FSIP2: variants seen among roughly 807,000 people sequenced by gnomAD.
FSIP2 encodes the protein fibrous sheath interacting protein 2.
In FSIP2, 367 loss-of-function variants were observed where a neutral mutation model predicts 510.5. That is an observed-to-expected ratio of 0.72 (90% confidence interval 0.66 to 0.78). The LOEUF is 0.78. FSIP2 is among the 30% of genes least tolerant of loss of function. The pLI, the probability that FSIP2 is intolerant of heterozygous loss-of-function variation, is 0.00. For synonymous variants in FSIP2, 2,601 were observed against 2,732.2 expected (o/e 0.95, Z 1.50); for missense variants, 7,594 against 7,901.7 (o/e 0.96, Z 1.48).
Position 185,806,302 on chromosome 2 carries a change from A to G in FSIP2, c.16996A>G (p.Arg5666Gly). Residue 5666 changes from arginine (R) to glycine (G), a missense_variant, in exon 17 of 23, where the codon AGG (arginine) becomes GGG (glycine). By Grantham distance (125) the Arg-to-Gly change is moderately radical (BLOSUM62 -2). Coordinates refer to ENST00000424728, the MANE Select transcript of FSIP2 (RefSeq NM_173651.4). ...AAGAGACTCTCCAACACAAACGTGT[A>G]GGGATGAGGAACACCACTCAGATTA... ...GRRDSPTQTC[R>G]DEEHHSDYEH... 1 of 1,607,394 alleles carries G rather than the reference A, an allele frequency of 6.2e-7. No individual in the cohort carries two copies. Among genetic ancestry groups the G allele is most frequent in the Non-Finnish European group, 8.5e-7 (1 of 1,176,536 alleles).
chr2:185,753,190 A>C (rs1448401878), intron 7 of FSIP2, among the ~76,000 whole-genome samples: 1 of 151,310 alleles, frequency 6.6e-6, no homozygotes, highest in Non-Finnish European at 1.5e-5. Flanking sequence ...TCTTTACTGT[A>C]GTCTTGGGTA....
chr2:185,738,132 A>G (rs1033202754), upstream of FSIP2: 1 of 167,578 alleles, frequency 6.0e-6, no homozygotes, highest in African/African-American at 2.4e-5. Context: ...CTCTGCCCTC[A>G]GAATACTCCC....
At chr2:185,762,650 C>T (rs1692380035) in intron 11 of FSIP2, among the ~76,000 whole-genome samples, 1 of 151,312 alleles carries the variant, frequency 6.6e-6, no homozygotes, top group Non-Finnish European at 1.5e-5. Context: ...TTCACATTTT[C>T]TGCCTATTCT....
Position 185,800,363 on chromosome 2 carries a change from A to C in FSIP2, c.11057A>C (p.Asn3686Thr). The C allele has an allele frequency of 6.5e-7, 1 of 1,527,380 alleles. No homozygotes were observed. The highest frequency in any genetic ancestry group is 8.7e-7 in the Non-Finnish European group (1 of 1,143,816). The allele number at this position is 1,527,380 out of a possible 1,614,324, so 94.6% of individuals were successfully genotyped here. The change falls in exon 17 of 23, where the codon AAC becomes ACC. Residue 3686 changes from asparagine to threonine, a missense_variant. Physicochemically the swap from Asn to Thr is moderately conservative, Grantham distance 65. Coordinates refer to ENST00000424728, the MANE Select transcript of FSIP2 (RefSeq NM_173651.4). ...LACKLNSLVG[N>T]LKTSESKEVV... ...TGTAAGTTAAACAGCCTGGTTGGTAACCTAAAAACAAGTGAATCCAAAGAA... is the reference window on the plus strand; with the variant it reads ...TGTAAGTTAAACAGCCTGGTTGGTACCCTAAAAACAAGTGAATCCAAAGAA...
chr2:185,785,794 G>T (rs765477142), intron 14 of FSIP2, among the ~76,000 whole-genome samples: 7 of 151,906 alleles, frequency 4.6e-5, no homozygotes, highest in Non-Finnish European at 1.0e-4. Context: ...TCCTACTGTG[G>T]AATATGGGGA....
intron 14 of FSIP2, among the ~76,000 whole-genome samples, chr2:185,784,646 T>C (rs1692926420): frequency 1.3e-5 from 2 of 152,098 alleles, no homozygotes; most frequent in African/African-American, 4.8e-5. Flanking sequence ...TAAAACTATG[T>C]TGCTATGATT....
Position 185,805,594 on chromosome 2 carries a change from A to G in FSIP2, c.16288A>G (p.Ile5430Val), listed in dbSNP as rs373280703. The G allele has an allele frequency of 8.1e-6, 13 of 1,609,244 alleles. No individual in the cohort carries two copies. Among genetic ancestry groups the G allele is most frequent in the Middle Eastern group, 1.7e-4 (1 of 6,038 alleles). The change falls in exon 17 of 23, where the codon ATA (isoleucine) becomes GTA (valine). Residue 5430 changes from isoleucine (I) to valine (V), a missense_variant. Ile to Val is a conservative substitution (Grantham distance 29). Coordinates refer to ENST00000424728, the MANE Select transcript of FSIP2 (RefSeq NM_173651.4). The part of the protein sequence containing the change: ...QHLPQNTFTQ[I>V]SRCAKENQLS... Reference sequence around the variant, plus strand: ...CCTACCACAAAACACCTTTACACAAATAAGCAGATGTGCAAAAGAGAACCA... The same window carrying G: ...CCTACCACAAAACACCTTTACACAAGTAAGCAGATGTGCAAAAGAGAACCA...
At chr2:185,772,619 G>A (rs1426634425) in intron 13 of FSIP2, among the ~76,000 whole-genome samples, 1 of 152,142 alleles carries the variant, frequency 6.6e-6, no homozygotes, top group Non-Finnish European at 1.5e-5. Context: ...AGTCATCCAT[G>A]AGGGATCTGC....
chr2:185,767,731 A>T (rs747955649), intron 13 of FSIP2, among the ~76,000 whole-genome samples: 1 of 152,120 alleles, frequency 6.6e-6, no homozygotes, highest in Admixed American at 6.6e-5. Flanking sequence ...ATCTCTTGGT[A>T]TATATCAGAT....
intron 1 of FSIP2, 54 bp from the exon 2 acceptor site, chr2:185,739,292 C>T: frequency 6.8e-7 from 1 of 1,475,362 alleles, no homozygotes; most frequent in Non-Finnish European, 9.0e-7. Flanking sequence ...TTGGTCTAAA[C>T]TAAACTAATA....
In FSIP2 at chr2:185,801,626, C is replaced by T. The variant is rs773488846; in HGVS notation, c.12320C>T (p.Pro4107Leu). The T allele has an allele frequency of 1.2e-5, 19 of 1,530,058 alleles. No homozygotes were observed. In the South Asian group the frequency reaches 1.9e-4, roughly 16 times the overall value. 94.8% of individuals were successfully genotyped at this position (1,530,058 alleles called of 1,614,324 possible). ...KEHLIPHSYY[P>L]LKPEIILQKL... ...CATCTCATACCCCATTCATATTACC[C>T]TCTCAAACCTGAAATTATATTGCAA... Residue 4107 changes from proline to leucine, a missense_variant, in exon 17 of 23, where the codon CCT becomes CTT. Transcript: ENST00000424728.
At chr2:185,739,152 C>A (rs1438577038) in intron 1 of FSIP2, 159 bp downstream of exon 1, 2 of 1,176,402 alleles carry the variant, frequency 1.7e-6, no homozygotes, top group African/African-American at 3.1e-5. Context: ...GTGGCTCGGA[C>A]TGTACCGGCC....
At position 185,808,707 on chromosome 2, in the gene FSIP2, A is replaced by G. The variant is rs778078137; in HGVS notation, c.19401A>G (p.Leu6467=). ...TTGATGGAGTTTCAAGTTTTCCATT[A>G]GATACAATTAACTCAACAATTTCAA... The part of the protein sequence containing the change: ...LIIDGVSSFP[L]DTINSTISNA... Residue 6467 remains leucine, a synonymous_variant, in exon 17 of 23, where the codon TTA becomes TTG. Transcript: ENST00000424728. The G allele has an allele frequency of 1.9e-6, 3 of 1,611,622 alleles. No homozygotes were observed. The East Asian group carries it at 6.7e-5, about 36-fold the overall frequency.
chr2:185,737,561 G>C (rs571673595), upstream of FSIP2, among the ~76,000 whole-genome samples: 2 of 152,276 alleles, frequency 1.3e-5, no homozygotes, highest in East Asian at 3.9e-4. Context: ...AGTGGGACTT[G>C]GGGACCAACT....
intron 13 of FSIP2, among the ~76,000 whole-genome samples, chr2:185,777,360 T>C (rs1692748544): frequency 6.6e-6 from 1 of 151,516 alleles, no homozygotes; most frequent in Non-Finnish European, 1.5e-5. Flanking sequence ...ATAATAAAAT[T>C]TAGTTACTTC....
At chr2:185,745,282 C>G (rs1385673563) in intron 4 of FSIP2, 147 bp from the exon 5 acceptor site, 2 of 444,414 alleles carry the variant, frequency 4.5e-6, no homozygotes, top group Non-Finnish European at 7.5e-6. Context: ...TTTTGGTTTA[C>G]TTGTCTGTGT....
At chr2:185,776,549 T>A (rs1692726025) in intron 13 of FSIP2, among the ~76,000 whole-genome samples, 1 of 152,180 alleles carries the variant, frequency 6.6e-6, no homozygotes. Context: ...GACATTAATT[T>A]TGATAACATT....
chr2:185,802,919 A>G lies in FSIP2; in HGVS notation c.13613A>G (p.Asp4538Gly). Residue 4538 changes from aspartate to glycine, a missense_variant, in exon 17 of 23, where the codon GAT (aspartate) becomes GGT (glycine). Asp to Gly is a moderately conservative substitution (Grantham distance 94, BLOSUM62 -1). Coordinates refer to ENST00000424728, the MANE Select transcript of FSIP2 (RefSeq NM_173651.4). ...EEETKFIYSEDDIQHLVDSVF... is the reference protein window; with the variant it reads ...EEETKFIYSEGDIQHLVDSVF... The stretch of plus-strand genomic sequence containing the variant: ...GAAACCAAGTTTATTTATTCAGAAG[A>G]TGATATTCAGCACCTTGTTGATTCA... The G allele has an allele frequency of 2.7e-6, 4 of 1,504,550 alleles. No individual in the cohort carries two copies. The highest frequency in any genetic ancestry group is 1.8e-6 in the Non-Finnish European group (2 of 1,135,352). 93.2% of individuals were successfully genotyped at this position (1,504,550 alleles called of 1,614,324 possible).
intron 19 of FSIP2, among the ~76,000 whole-genome samples, chr2:185,821,760 C>CA (rs913570026): frequency 1.1e-4 from 17 of 150,626 alleles, no homozygotes; most frequent in South Asian, 2.1e-4. Flanking sequence ...CCCATCTCTC[C>CA]AAAAAAAATA....
Sources: gnomAD v4.1 joint callset for allele counts (sites outside exome capture counted in the v4.1 genomes callset) on GRCh38, gnomAD v4.1.1 for gene constraint, MANE v1.5 for transcripts, NCBI Gene and HGNC (gene_info 2026-07-23, HGNC 2026-07-21) for gene names.